The following CADM2 variants were observed in gnomAD, a reference collection of about 807,000 sequenced individuals.
CADM2 encodes immunoglobulin superfamily member 4D.
Under a neutral mutation model 49.8 loss-of-function variants are expected in CADM2, and 12 were observed. The observed-to-expected ratio is 0.24, with a 90% CI of 0.15 to 0.39. The LOEUF (loss-of-function observed/expected upper bound fraction) is 0.39, where lower values mean the gene tolerates loss of function less well. CADM2 is among the 10% of genes least tolerant of loss of function. CADM2 has a pLI of 1.00. For synonymous variants in CADM2, 214 were observed against 175.4 expected, an observed-to-expected ratio of 1.22 and a Z score of -1.74; for missense variants, 378 against 492.3, an observed-to-expected ratio of 0.77 and a Z score of 2.20.
intron 1 of CADM2, 75 bp downstream of exon 1, chr3:84,959,743 C>A: frequency 1.5e-6 from 2 of 1,339,882 alleles, no homozygotes; most frequent in Non-Finnish European, 2.1e-6. Context: ...CCCATATTTC[C>A]ACTCTCCCCT....
intron 5 of CADM2, among the ~76,000 whole-genome samples, chr3:85,888,661 C>G (rs190594570): frequency 5.3e-4 from 80 of 152,206 alleles, no homozygotes; most frequent in African/African-American, 1.8e-3. Context: ...ATGTTTACAT[C>G]GTTTGTCTCC....
chr3:85,332,305 G>A (rs2044950761), intron 1 of CADM2, among the ~76,000 whole-genome samples: 1 of 151,936 alleles, frequency 6.6e-6, no homozygotes, highest in Non-Finnish European at 1.5e-5. Flanking sequence ...ATTTTGTGTT[G>A]TCTAATGAGC....
chr3:85,611,274 C>T (rs2063676120), intron 1 of CADM2, among the ~76,000 whole-genome samples: 1 of 151,076 alleles, frequency 6.6e-6, no homozygotes, highest in African/African-American at 2.4e-5. Flanking sequence ...TGAAAGCATA[C>T]ATTTTTATCT....
chr3:86,050,477 A>G (rs1663571856), intron 8 of CADM2, among the ~76,000 whole-genome samples: 1 of 152,190 alleles, frequency 6.6e-6, no homozygotes, highest in African/African-American at 2.4e-5. Context: ...GAGCTCCACT[A>G]GGCAGTGCCC....
intron 1 of CADM2, among the ~76,000 whole-genome samples, chr3:85,665,895 T>TC (rs1277985195): frequency 6.6e-6 from 1 of 151,988 alleles, no homozygotes; most frequent in Non-Finnish European, 1.5e-5. Context: ...GCTTTTTTTT[T>TC]CTTGATCTCT....
chr3:85,917,041 G>C (rs546097139), intron 6 of CADM2, among the ~76,000 whole-genome samples: 79 of 152,046 alleles, frequency 5.2e-4, no homozygotes, highest in African/African-American at 1.8e-3. Flanking sequence ...AAATTTGTTT[G>C]AGTTAATTAT....
chr3:85,927,035 C>T (rs558949467), intron 6 of CADM2, among the ~76,000 whole-genome samples: 1 of 152,258 alleles, frequency 6.6e-6, no homozygotes, highest in African/African-American at 2.4e-5. Flanking sequence ...GTTTCGTATT[C>T]TGTACAATGA....
intron 1 of CADM2, chr3:85,511,995 C>A (rs1418235380): frequency 1.8e-6 from 1 of 558,444 alleles, no homozygotes; most frequent in African/African-American, 2.0e-5. Context: ...AGCCAATGTT[C>A]TTTTAAAATT....
At chr3:85,469,354 G>T (rs1291822677) in intron 1 of CADM2, among the ~76,000 whole-genome samples, 2 of 152,118 alleles carry the variant, frequency 1.3e-5, no homozygotes, top group Non-Finnish European at 2.9e-5. Context: ...AAGGGAGCTG[G>T]AGCCAAGCAG....
intron 1 of CADM2, among the ~76,000 whole-genome samples, chr3:85,098,618 G>T (rs1253154538): frequency 6.6e-6 from 1 of 152,140 alleles, no homozygotes. Context: ...GAAGCTAAAA[G>T]AATGTAAGGC....
At chr3:85,950,303 T>C (rs1723283228) in intron 7 of CADM2, among the ~76,000 whole-genome samples, 1 of 151,242 alleles carries the variant, frequency 6.6e-6, no homozygotes, top group Non-Finnish European at 1.5e-5. Context: ...TTGTTTTGCT[T>C]CAGCAGAAAG....
chr3:85,677,846 A>G (rs914222907), intron 1 of CADM2, among the ~76,000 whole-genome samples: 12 of 152,170 alleles, frequency 7.9e-5, no homozygotes, highest in Non-Finnish European at 1.8e-4. Flanking sequence ...CTGGCTAAAC[A>G]TATTTCTGAT....
chr3:85,668,147 G>A (rs562649184), intron 1 of CADM2, among the ~76,000 whole-genome samples: 1 of 151,618 alleles, frequency 6.6e-6, no homozygotes, highest in South Asian at 2.1e-4. Flanking sequence ...TGTAATGGTG[G>A]TGGGCAATGG....
At chr3:85,903,688 C>G (rs148410511) in intron 5 of CADM2, among the ~76,000 whole-genome samples, 105 of 152,234 alleles carry the variant, frequency 6.9e-4, no homozygotes, top group African/African-American at 2.5e-3. Context: ...CGTGCACAGC[C>G]ACCGTGGGAA....
intron 1 of CADM2, among the ~76,000 whole-genome samples, chr3:85,119,335 TG>T: frequency 6.6e-6 from 1 of 152,290 alleles, no homozygotes; most frequent in South Asian, 2.1e-4. Flanking sequence ...CTGAAACCTT[TG>T]TTCTGTTCCA....
chr3:85,220,341 A>G (rs2042017679), intron 1 of CADM2, among the ~76,000 whole-genome samples: 1 of 152,126 alleles, frequency 6.6e-6, no homozygotes, highest in Admixed American at 6.6e-5. Flanking sequence ...ATTTGGTGAC[A>G]TGTTTCCTCA....
rs886598853 is a variant in CADM2 at position 86,069,711 on chromosome 3, C to A, written c.*2928C>A. On this transcript the variant is annotated 3_prime_UTR_variant, in exon 10 of 10. Coordinates refer to ENST00000383699, the MANE Select transcript of CADM2 (RefSeq NM_001167675.2). Reference sequence around the variant, plus strand: ...TGGAAGCAGTGTGCACACACACACACCCTTAGTAGAATATGGAGCATTATT... The same window carrying A: ...TGGAAGCAGTGTGCACACACACACAACCTTAGTAGAATATGGAGCATTATT... The A allele has an allele frequency of 6.6e-6, 1 of 151,964 alleles. No homozygotes were observed. The highest frequency in any genetic ancestry group is 1.5e-5 in the Non-Finnish European group (1 of 67,884). 9.4% of individuals were successfully genotyped at this position (151,964 alleles called of 1,614,324 possible).
At chr3:85,228,985 G>A (rs80354540) in intron 1 of CADM2, among the ~76,000 whole-genome samples, 14,499 of 152,204 alleles carry the variant, frequency 0.095, 858 homozygotes, top group African/African-American at 0.16. Flanking sequence ...ACCTGACTGG[G>A]TCTGCTGCCT....
At chr3:85,721,962 A>T (rs1022190607) in intron 1 of CADM2, among the ~76,000 whole-genome samples, 1 of 152,228 alleles carries the variant, frequency 6.6e-6, no homozygotes, top group African/African-American at 2.4e-5. Flanking sequence ...TTATTGAGCA[A>T]CAATAGGTCA....
Sources: allele counts gnomAD v4.1 joint callset (sites outside exome capture counted in the v4.1 genomes callset), GRCh38; gene constraint gnomAD v4.1.1; transcripts MANE v1.5; gene names NCBI Gene and HGNC (gene_info 2026-07-23, HGNC 2026-07-21).